The following DPP6 variants were observed in gnomAD, a reference collection of about 807,000 sequenced individuals.
DPP6 encodes A-type potassium channel modulatory protein DPP6.
DPP6 carries 69 observed loss-of-function variants against 122.6 expected under a neutral mutation model. That is an observed-to-expected ratio of 0.56 (90% CI 0.46 to 0.69). The LOEUF (loss-of-function observed/expected upper bound fraction) is 0.69, where lower values mean the gene tolerates loss of function less well. Ranked by LOEUF, DPP6 falls within the 30% of genes least tolerant of loss-of-function variation. The pLI, the probability that DPP6 is intolerant of heterozygous loss-of-function variation, is 0.00. For missense variants in DPP6, 928 were observed against 1,116.9 expected (o/e 0.83, Z 2.41); for synonymous variants, 418 against 433.1 (o/e 0.97, Z 0.43).
chr7:154,412,356 G>A (rs1190661554), intron 1 of DPP6, among the ~76,000 whole-genome samples: 2 of 152,188 alleles, frequency 1.3e-5, no homozygotes, highest in Non-Finnish European at 2.9e-5. Flanking sequence ...CTCCAGCAAA[G>A]CTTCTCTGCT....
rs548053204 is a variant in DPP6, at chr7:154,433,136, G to GTTTTTTTTT, written c.244-13059_244-13051dup. Among the ~76,000 whole-genome samples, 20 of 72,348 alleles carry GTTTTTTTTT rather than the reference G, an allele frequency of 2.8e-4. 1 individual carries two copies. The highest frequency in any genetic ancestry group is 1.0e-3 in the African/African-American group (17 of 16,826). 47.5% of individuals were successfully genotyped at this position (72,348 alleles called of 152,430 possible). Reference sequence around the variant, plus strand: ...TAATGGCTCTCATACTAGACTGCAAGTTTTTTTTTTTTTTTTTTTTTTTTT... The same window carrying GTTTTTTTTT: ...TAATGGCTCTCATACTAGACTGCAAGTTTTTTTTTTTTTTTTTTTTTTTTTTTTTTTTTT... On this transcript the variant is annotated intron_variant, in intron 1 of 25. Transcript: ENST00000377770.
chr7:153,785,868 A>G, the DPP6 span, among the ~76,000 whole-genome samples: 10 of 149,040 alleles, frequency 6.7e-5, no homozygotes, highest in South Asian at 8.6e-4. Flanking sequence ...TATGTTGCCC[A>G]GCCTGTCTTT....
At chr7:154,113,780 A>G (rs1352562340) in intron 1 of DPP6, among the ~76,000 whole-genome samples, 3 of 152,212 alleles carry the variant, frequency 2.0e-5, no homozygotes, top group African/African-American at 7.2e-5. Flanking sequence ...ATAAGATAAG[A>G]GTTCAGTTCT....
intron 1 of DPP6, among the ~76,000 whole-genome samples, chr7:154,281,624 G>A (rs987074662): frequency 6.6e-6 from 1 of 152,156 alleles, no homozygotes; most frequent in Non-Finnish European, 1.5e-5. Flanking sequence ...CTATGTAAGA[G>A]AAGGCACTAG....
intron 1 of DPP6, among the ~76,000 whole-genome samples, chr7:154,439,568 A>T (rs1294459807): frequency 1.3e-5 from 2 of 152,274 alleles, no homozygotes; most frequent in Non-Finnish European, 2.9e-5. Flanking sequence ...AGAATCTATC[A>T]GACCCAGTCA....
At chr7:154,366,212 C>T (rs1812176739) in intron 1 of DPP6, among the ~76,000 whole-genome samples, 1 of 152,200 alleles carries the variant, frequency 6.6e-6, no homozygotes, top group African/African-American at 2.4e-5. Flanking sequence ...TTCTGTTTGG[C>T]TGACCACAAG....
rs369465061 is a variant in DPP6 at position 154,451,046 on chromosome 7, A to G, written c.358+4718A>G. ...GTGAACTTTCATGTCACCCCGGTCC[A>G]AGGGCTGTCACGAGTGTCACTCAAG... On this transcript the variant is annotated intron_variant, in intron 2 of 25. Transcript: ENST00000377770. 1.0e-3 allele frequency among the ~76,000 whole-genome samples: 152 copies of G among 152,176 alleles called. 2 individuals are homozygous for G. In the South Asian group the frequency reaches 0.012, roughly 12 times the overall value.
At chr7:154,097,348 C>T (rs1017547272) in intron 1 of DPP6, among the ~76,000 whole-genome samples, 9 of 152,222 alleles carry the variant, frequency 5.9e-5, no homozygotes, top group Non-Finnish European at 1.0e-4. Context: ...TCGCTTATTC[C>T]GAGGCCTCTA....
chr7:154,501,672 A>T (rs1384553740), intron 3 of DPP6, among the ~76,000 whole-genome samples: 4 of 152,206 alleles, frequency 2.6e-5, no homozygotes. Context: ...AAACACCTGG[A>T]TGCCCAGGCA....
intron 16 of DPP6, among the ~76,000 whole-genome samples, chr7:154,852,531 C>T (rs1027879320): frequency 6.6e-5 from 10 of 152,094 alleles, no homozygotes; most frequent in Non-Finnish European, 1.2e-4. Context: ...TCTCCTCCCT[C>T]TCCTGCCTTT....
At chr7:153,888,417 G>A (rs1799036965) in intron 1 of DPP6, among the ~76,000 whole-genome samples, 1 of 152,198 alleles carries the variant, frequency 6.6e-6, no homozygotes, top group Non-Finnish European at 1.5e-5. Context: ...GTTCTGCACG[G>A]ATAACTTTCT....
chr7:154,810,796 A>G (rs774891040), intron 16 of DPP6, among the ~76,000 whole-genome samples: 13 of 151,976 alleles, frequency 8.6e-5, no homozygotes, highest in Admixed American at 7.9e-4. Context: ...ACACACACAC[A>G]ACTAACCTGG....
chr7:154,328,616 A>G (rs1201724799), intron 1 of DPP6, among the ~76,000 whole-genome samples: 2 of 152,306 alleles, frequency 1.3e-5, no homozygotes, highest in East Asian at 3.9e-4. Context: ...TCCAGGAACT[A>G]TAAAATATTA....
the DPP6 span, among the ~76,000 whole-genome samples, chr7:153,818,327 T>A: frequency 6.6e-6 from 1 of 152,012 alleles, no homozygotes; most frequent in Non-Finnish European, 1.5e-5. Context: ...CCCTGGAAAT[T>A]TGATGAGGGG....
intron 1 of DPP6, among the ~76,000 whole-genome samples, chr7:154,345,231 AC>A (rs1256062292): frequency 6.6e-6 from 1 of 151,810 alleles, no homozygotes; most frequent in Non-Finnish European, 1.5e-5. Flanking sequence ...AGAGGCTCTC[AC>A]CTGTCTCTTC....
rs550042371 is a variant in DPP6 at position 154,436,985 on chromosome 7, CAG to C, written c.244-9226_244-9225del. 3.7e-4 allele frequency among the ~76,000 whole-genome samples: 57 copies of C among 152,276 alleles called. 1 individual carries two copies. The highest frequency in any genetic ancestry group is 1.3e-3 in the African/African-American group (53 of 41,570). On this transcript the variant is annotated intron_variant, in intron 1 of 25. Transcript: ENST00000377770. ...GGTTCATTCATGCTGTGCATGTAGT[CAG>C]AGGTTGTGATTTGCATGGCTATATG...
intron 4 of DPP6, among the ~76,000 whole-genome samples, chr7:154,555,220 G>A (rs1373664757): frequency 6.6e-6 from 1 of 152,020 alleles, no homozygotes; most frequent in Non-Finnish European, 1.5e-5. Context: ...TCTCATAATA[G>A]AATTTTATTT....
At chr7:154,632,088 C>T (rs572454247) in intron 5 of DPP6, among the ~76,000 whole-genome samples, 15 of 152,278 alleles carry the variant, frequency 9.9e-5, no homozygotes, top group African/African-American at 3.1e-4. Context: ...CAGCTGGATT[C>T]GTTACAGCTC....
At chr7:153,758,395 C>T in the DPP6 span, among the ~76,000 whole-genome samples, 5 of 152,176 alleles carry the variant, frequency 3.3e-5, 1 homozygote, top group Non-Finnish European at 5.9e-5. Flanking sequence ...TTAGAATGTA[C>T]GGTTTAATAA....
Sources: gnomAD v4.1 joint callset for allele counts (sites outside exome capture counted in the v4.1 genomes callset) on GRCh38, gnomAD v4.1.1 for gene constraint, MANE v1.5 for transcripts, NCBI Gene and HGNC (gene_info 2026-07-23, HGNC 2026-07-21) for gene names.